Variants in NOC3L observed in about 807,000 individuals in gnomAD.
NOC3L encodes the protein NOC3 like DNA replication regulator.
In NOC3L, 85 loss-of-function variants were observed where a neutral mutation model predicts 102.5. The ratio of observed to expected loss-of-function variants is 0.83; its 90% CI spans 0.70 to 0.99. The LOEUF is 0.99. Ranked by LOEUF, NOC3L falls within the 50% of genes least tolerant of loss-of-function variation. The probability of loss-of-function intolerance (pLI) is 0.00; values close to 1 mark genes in which losing one functional copy is unlikely to be tolerated. For synonymous variants in NOC3L, 303 were observed against 309.4 expected, an observed-to-expected ratio of 0.98 and a Z score of 0.22; for missense variants, 878 against 914.9, an observed-to-expected ratio of 0.96 and a Z score of 0.52.
intron 8 of NOC3L, 40 bp downstream of exon 8, chr10:94,352,270 G>A: frequency 1.5e-6 from 2 of 1,334,182 alleles, no homozygotes; most frequent in Non-Finnish European, 2.2e-6. Context: ...CATGATCAAG[G>A]CTAAGTATGT....
chr10:94,346,567 A>G lies in NOC3L; in HGVS notation c.1258-11T>C, dbSNP rs757713324. 10 of 1,307,202 alleles carry G rather than the reference A, an allele frequency of 7.6e-6. No individual in the cohort carries two copies. Among genetic ancestry groups the G allele is most frequent in the African/African-American group, 1.5e-5 (1 of 64,878 alleles). The allele number at this position is 1,307,202 out of a possible 1,614,324, so 81.0% of individuals were successfully genotyped here. ...AAATGTTTTTAACATCTAATATTGG[A>G]AAAAAAACACAAATATACAGCTTAA... On this transcript the variant is annotated splice_polypyrimidine_tract_variant and intron_variant, in intron 10 of 20. Coordinates refer to ENST00000371361, the MANE Select transcript of NOC3L (RefSeq NM_022451.11).
At chr10:94,342,056 C>T (rs1430054471) in intron 13 of NOC3L, among the ~76,000 whole-genome samples, 1 of 152,098 alleles carries the variant, frequency 6.6e-6, no homozygotes, top group Non-Finnish European at 1.5e-5. Flanking sequence ...AGGAGGTATC[C>T]GGCAGGATCG....
chr10:94,351,902 A>G (rs2054423928), intron 8 of NOC3L, among the ~76,000 whole-genome samples: 1 of 152,208 alleles, frequency 6.6e-6, no homozygotes, highest in Admixed American at 6.5e-5. Context: ...TGTTCATAAC[A>G]ATGTATTTTG....
chr10:94,352,088 C>T (rs2054426035), intron 8 of NOC3L, among the ~76,000 whole-genome samples: 1 of 152,120 alleles, frequency 6.6e-6, no homozygotes. Flanking sequence ...ATAATTATTT[C>T]CATTTTTTAG....
intron 10 of NOC3L, among the ~76,000 whole-genome samples, chr10:94,347,807 C>A (rs1448954550): frequency 6.6e-6 from 1 of 151,964 alleles, no homozygotes. Context: ...AAAATCAATT[C>A]TGTAAATATT....
At chr10:94,351,550 C>T (rs1376164699) in intron 8 of NOC3L, among the ~76,000 whole-genome samples, 1 of 152,154 alleles carries the variant, frequency 6.6e-6, no homozygotes, top group Non-Finnish European at 1.5e-5. Context: ...TCTTTTGAGA[C>T]AGGGTCTCAC....
chr10:94,361,962 A>C (rs1183452618), intron 1 of NOC3L, 90 bp from the exon 2 acceptor site: 2 of 984,104 alleles, frequency 2.0e-6, no homozygotes, highest in African/African-American at 3.2e-5. Flanking sequence ...CATTAGACCA[A>C]TTCCACAATT....
chr10:94,325,156 T>C, the NOC3L span: 3 of 1,259,258 alleles, frequency 2.4e-6, no homozygotes, highest in Admixed American at 1.7e-5. Flanking sequence ...TAAACTACTT[T>C]GTAAGGAAGG....
At chr10:94,324,695 A>G in the NOC3L span, 113 of 1,013,160 alleles carry the variant, frequency 1.1e-4, no homozygotes, top group Non-Finnish European at 4.6e-5. Flanking sequence ...TTAGGAGAAA[A>G]TTGTTTGGCT....
chr10:94,360,329 T>C (rs1057474172), intron 2 of NOC3L, among the ~76,000 whole-genome samples: 2 of 151,710 alleles, frequency 1.3e-5, no homozygotes, highest in East Asian at 1.9e-4. Flanking sequence ...AAAATAATAA[T>C]AATAATAATA....
intron 19 of NOC3L, among the ~76,000 whole-genome samples, chr10:94,337,025 C>A (rs1038376857): frequency 6.7e-6 from 1 of 149,584 alleles, no homozygotes; most frequent in Non-Finnish European, 1.5e-5. Context: ...GCCGAAATTG[C>A]GCCATTGCAC....
rs776733777 is a variant in NOC3L at position 94,341,714 on chromosome 10, C to T, written c.1603G>A (p.Asp535Asn). The stretch of plus-strand genomic sequence containing the variant: ...GTATGAAGAACTACTAACAGATCAT[C>T]AAAAAATTCCACATTTATAAGGTGA... ...FAHLINVEFF[D>N]DLLVVLHTLI... The change falls in exon 14 of 21, where the codon GAT (aspartate) becomes AAT (asparagine). Residue 535 changes from aspartate (D) to asparagine (N), a missense_variant. Asp to Asn is a conservative substitution (Grantham distance 23, BLOSUM62 1). Coordinates refer to ENST00000371361, the MANE Select transcript of NOC3L (RefSeq NM_022451.11). 22 of 1,568,694 alleles carry T rather than the reference C, an allele frequency of 1.4e-5. No individual in the cohort carries two copies. In the Admixed American group the frequency reaches 1.4e-4, roughly 10 times the overall value.
chr10:94,349,434 G>A (rs915261637), intron 9 of NOC3L, 56 bp from the exon 10 acceptor site: 20 of 1,484,854 alleles, frequency 1.3e-5, no homozygotes, highest in Non-Finnish European at 1.6e-5. Flanking sequence ...CACTACTGAC[G>A]TTTTGGGTAA....
intron 2 of NOC3L, among the ~76,000 whole-genome samples, chr10:94,360,655 A>C (rs1207147165): frequency 6.6e-6 from 1 of 152,170 alleles, no homozygotes; most frequent in African/African-American, 2.4e-5. Context: ...GGATGACTAT[A>C]GTCAACAATA....
chr10:94,339,093 A>G (rs987442253), intron 17 of NOC3L, among the ~76,000 whole-genome samples: 2 of 152,210 alleles, frequency 1.3e-5, no homozygotes, highest in African/African-American at 2.4e-5. Context: ...GAAATAACCT[A>G]TATCAAGAGA....
At chr10:94,328,430 C>CTTGT (rs1589558301), downstream of NOC3L, 1 of 152,696 alleles carries the variant, frequency 6.5e-6, no homozygotes, top group African/African-American at 2.4e-5. Flanking sequence ...CACAAATACT[C>CTTGT]TTGTTTTGAC....
At chr10:94,360,770 A>G (rs1564919902) in intron 2 of NOC3L, among the ~76,000 whole-genome samples, 1 of 152,162 alleles carries the variant, frequency 6.6e-6, no homozygotes, top group Non-Finnish European at 1.5e-5. Context: ...TGATGTGATT[A>G]TTATGCATTG....
At position 94,333,963 on chromosome 10, in the gene NOC3L, G is replaced by A. The variant is rs1276208770; in HGVS notation, c.*214C>T. The A allele has an allele frequency of 2.9e-6, 1 of 345,192 alleles. No homozygotes were observed. The highest frequency in any genetic ancestry group is 5.2e-6 in the Non-Finnish European group (1 of 193,416). The allele number at this position is 345,192 out of a possible 1,614,324, so 21.4% of individuals were successfully genotyped here. A position where few individuals can be genotyped will look rare whatever the true frequency, so the allele number is the denominator to read the frequency against. ...AAGAAAGTAATTTCCAAATACTGGG[G>A]AGAAAAAAAGGCTTTTGATCTCCTT... On this transcript the variant is annotated 3_prime_UTR_variant, in exon 21 of 21. Coordinates refer to ENST00000371361, the MANE Select transcript of NOC3L (RefSeq NM_022451.11).
At chr10:94,357,151 T>C (rs1246305340) in intron 4 of NOC3L, 23 bp downstream of exon 4, 4 of 1,473,976 alleles carry the variant, frequency 2.7e-6, no homozygotes, top group African/African-American at 1.4e-5. Flanking sequence ...GTTCAACTAA[T>C]ATTACCAGTT....
Sources: allele counts gnomAD v4.1 joint callset (sites outside exome capture counted in the v4.1 genomes callset), GRCh38; gene constraint gnomAD v4.1.1; transcripts MANE v1.5; gene names NCBI Gene and HGNC (gene_info 2026-07-23, HGNC 2026-07-21).